UCHL3: variants seen among roughly 807,000 people sequenced by gnomAD.
UCHL3 encodes the protein ubiquitin carboxyl-terminal hydrolase isozyme L3.
UCHL3 carries 22 observed loss-of-function variants against 35.8 expected under a neutral mutation model. The ratio of observed to expected loss-of-function variants is 0.61; its 90% confidence interval spans 0.44 to 0.88. The LOEUF (loss-of-function observed/expected upper bound fraction) is 0.88. UCHL3 is among the 40% of genes least tolerant of loss of function. UCHL3 has a pLI of 0.00. For synonymous variants in UCHL3, 90 were observed against 92.8 expected (o/e 0.97, Z 0.17); for missense variants, 229 against 276.9 (o/e 0.83, Z 1.23).
At chr13:75,592,437 T>TAC (rs1566227988) in intron 6 of UCHL3, among the ~76,000 whole-genome samples, 5 of 59,228 alleles carry the variant, frequency 8.4e-5, no homozygotes, top group African/African-American at 2.9e-4. Flanking sequence ...TATATATATA[T>TAC]ATATATATAT....
chr13:75,581,218 A>G (rs1341422623), intron 6 of UCHL3, among the ~76,000 whole-genome samples: 1 of 149,106 alleles, frequency 6.7e-6, no homozygotes, highest in African/African-American at 2.5e-5. Context: ...ATTTTTCATA[A>G]TAATAGTATG....
chr13:75,556,824 G>C (rs2031307215), intron 2 of UCHL3, among the ~76,000 whole-genome samples: 1 of 152,172 alleles, frequency 6.6e-6, no homozygotes, highest in South Asian at 2.1e-4. Context: ...AGCTGGAAAA[G>C]TAAATAGGTG....
chr13:75,550,042 C>T (rs781296965), intron 2 of UCHL3, 55 bp downstream of exon 2: 14 of 1,612,650 alleles, frequency 8.7e-6, no homozygotes, highest in Admixed American at 1.7e-5. Flanking sequence ...CTGCTCGGTC[C>T]GCTTCCCTGC....
intron 2 of UCHL3, 60 bp downstream of exon 2, chr13:75,550,047 C>T (rs2031025247): frequency 1.9e-6 from 3 of 1,609,290 alleles, no homozygotes; most frequent in Admixed American, 3.3e-5. Context: ...CGGTCCGCTT[C>T]CCTGCTGGAC....
rs1236011347 is a variant in UCHL3, at chr13:75,605,954, T to C, written c.*142T>C. On this transcript the variant is annotated 3_prime_UTR_variant, in exon 9 of 9. Coordinates refer to ENST00000377595, the MANE Select transcript of UCHL3 (RefSeq NM_006002.5). ...TTAAACTTTGCCTTAACCTGTGTTT[T>C]ATGTTATTTTTGCTCCAGGTTAAAG... 2 of 717,032 alleles carry C rather than the reference T, an allele frequency of 2.8e-6. No individual in the cohort carries two copies. Among genetic ancestry groups the C allele is most frequent in the Non-Finnish European group, 4.5e-6 (2 of 445,150 alleles). 44.4% of individuals were successfully genotyped at this position (717,032 alleles called of 1,614,324 possible).
intron 2 of UCHL3, among the ~76,000 whole-genome samples, chr13:75,555,552 G>A (rs935734586): frequency 2.0e-4 from 30 of 152,026 alleles, no homozygotes; most frequent in Non-Finnish European, 2.9e-5. Context: ...CTTTAATGCG[G>A]TCATGAATCC....
chr13:75,558,964 A>G (rs1257294142), intron 2 of UCHL3, among the ~76,000 whole-genome samples: 1 of 151,898 alleles, frequency 6.6e-6, no homozygotes, highest in Admixed American at 6.6e-5. Context: ...TTAGTGAACT[A>G]TAAATAGAAC....
intron 3 of UCHL3, among the ~76,000 whole-genome samples, chr13:75,562,897 G>A (rs2031562061): frequency 6.6e-6 from 1 of 152,100 alleles, no homozygotes; most frequent in African/African-American, 2.4e-5. Context: ...TAACATGTAA[G>A]TAGAGAATAT....
At chr13:75,558,043 T>C (rs778982990) in intron 2 of UCHL3, among the ~76,000 whole-genome samples, 22 of 152,064 alleles carry the variant, frequency 1.4e-4, no homozygotes, top group Non-Finnish European at 2.9e-4. Flanking sequence ...GTAGTCTTTA[T>C]AGCTGCTTTT....
intron 6 of UCHL3, among the ~76,000 whole-genome samples, chr13:75,572,302 G>A (rs1021430216): frequency 3.3e-5 from 5 of 152,048 alleles, no homozygotes; most frequent in Non-Finnish European, 5.9e-5. Flanking sequence ...CTCTTTATAT[G>A]ACTACTCCAA....
chr13:75,600,982 C>T (rs2032769754), intron 7 of UCHL3, among the ~76,000 whole-genome samples: 1 of 152,146 alleles, frequency 6.6e-6, no homozygotes, highest in African/African-American at 2.4e-5. Flanking sequence ...TTCCAATCCT[C>T]ATGGATGACT....
intron 4 of UCHL3, 93 bp downstream of exon 4, chr13:75,566,944 T>A: frequency 1.5e-6 from 2 of 1,373,632 alleles, no homozygotes; most frequent in Non-Finnish European, 2.0e-6. Context: ...TTCTTCAAAC[T>A]ATAAAATAAA....
chr13:75,604,625 C>A, intron 7 of UCHL3, 144 bp from the exon 8 acceptor site: 1 of 468,250 alleles, frequency 2.1e-6, no homozygotes, highest in Non-Finnish European at 3.7e-6. Context: ...CATGGTAGCA[C>A]ATTAAAACAT....
chr13:75,582,589 C>G lies in UCHL3; in HGVS notation c.475-12326C>G, dbSNP rs942302967. 2.6e-5 allele frequency among the ~76,000 whole-genome samples: 4 copies of G among 152,224 alleles called. No individual in the cohort carries two copies. The South Asian group carries it at 6.2e-4, about 24-fold the overall frequency. On this transcript the variant is annotated intron_variant, in intron 6 of 8. Coordinates refer to ENST00000377595, the MANE Select transcript of UCHL3 (RefSeq NM_006002.5). The stretch of plus-strand genomic sequence containing the variant: ...GAAGTGAGTTCTTTATTCAGACTAT[C>G]TAAAAAGTGAACTCTCTTTAAGACT...
intron 2 of UCHL3, 22 bp from the exon 3 acceptor site, chr13:75,560,731 T>C (rs933289579): frequency 9.5e-6 from 15 of 1,581,680 alleles, no homozygotes; most frequent in African/African-American, 2.8e-5. Flanking sequence ...ATTGTTTTTT[T>C]TTTCTTTCTT....
At chr13:75,599,933 T>C (rs2032737331) in intron 7 of UCHL3, among the ~76,000 whole-genome samples, 1 of 152,186 alleles carries the variant, frequency 6.6e-6, no homozygotes. Flanking sequence ...AAGTTGTGAA[T>C]GCAAAGGAAA....
chr13:75,556,629 A>G (rs1301843014), intron 2 of UCHL3, among the ~76,000 whole-genome samples: 1 of 152,144 alleles, frequency 6.6e-6, no homozygotes, highest in Non-Finnish European at 1.5e-5. Context: ...AATTTGTTAT[A>G]ATTTAGGGAC....
At chr13:75,572,724 A>G (rs1296963357) in intron 6 of UCHL3, among the ~76,000 whole-genome samples, 1 of 152,232 alleles carries the variant, frequency 6.6e-6, no homozygotes, top group Non-Finnish European at 1.5e-5. Flanking sequence ...CCGAGTAAAC[A>G]AAACATATCC....
chr13:75,598,191 TAC>T (rs2032692692), intron 7 of UCHL3, among the ~76,000 whole-genome samples: 1 of 152,226 alleles, frequency 6.6e-6, no homozygotes, highest in Non-Finnish European at 1.5e-5. Flanking sequence ...AGAAATAGTA[TAC>T]AGAGCTCCCA....
Sources: gnomAD v4.1 joint callset for allele counts (sites outside exome capture counted in the v4.1 genomes callset) on GRCh38, gnomAD v4.1.1 for gene constraint, MANE v1.5 for transcripts, NCBI Gene and HGNC (gene_info 2026-07-23, HGNC 2026-07-21) for gene names.